Variants in MEGF10 observed in about 807,000 individuals in gnomAD.
The protein encoded by MEGF10 is multiple epidermal growth factor-like domains protein 10.
In MEGF10, 86 loss-of-function variants were observed where a neutral mutation model predicts 147.5. The observed-to-expected ratio is 0.58, with a 90% CI of 0.49 to 0.70. The LOEUF (loss-of-function observed/expected upper bound fraction) is 0.70. MEGF10 is among the 30% of genes least tolerant of loss of function. The pLI is 0.00. For missense variants in MEGF10, 1,329 were observed against 1,487.3 expected (o/e 0.89, Z 1.75); for synonymous variants, 478 against 525.5 (o/e 0.91, Z 1.24).
rs1764175605 is a variant in MEGF10, at chr5:127,402,586, G to A, written c.821G>A (p.Gly274Glu). 3 of 1,613,906 alleles carry A rather than the reference G, an allele frequency of 1.9e-6. No homozygotes were observed. In the African/African-American group the frequency reaches 4.0e-5, roughly 22 times the overall value. The change falls in exon 8 of 25, where the codon GGA becomes GAA. Residue 274 changes from glycine to glutamate, a missense_variant. Coordinates refer to ENST00000503335, the MANE Select transcript of MEGF10 (RefSeq NM_001256545.2). ...CAGCCTTGCCCCGAGGGTCGCTTTG[G>A]AAAGAACTGTTCCCAAGAATGCCAG... ...CGQPCPEGRF[G>E]KNCSQECQCH...
intron 1 of MEGF10, among the ~76,000 whole-genome samples, chr5:127,320,548 A>G (rs1039219175): frequency 2.0e-5 from 3 of 152,182 alleles, no homozygotes. Flanking sequence ...AGTCATAAAG[A>G]TGGGATTTGG....
the MEGF10 span, among the ~76,000 whole-genome samples, chr5:127,244,752 G>T: frequency 7.9e-5 from 12 of 151,944 alleles, no homozygotes; most frequent in Admixed American, 7.9e-4. Context: ...ACTAAACCAA[G>T]CTATTGTCAA....
At chr5:127,353,147 GT>G (rs1234480822) in intron 4 of MEGF10, among the ~76,000 whole-genome samples, 2 of 152,328 alleles carry the variant, frequency 1.3e-5, no homozygotes, top group East Asian at 3.9e-4. Context: ...TGGCAGTGAG[GT>G]AAGCTCTTGG....
At chr5:127,449,245 C>T in intron 22 of MEGF10, 23 bp downstream of exon 22, 1 of 1,612,082 alleles carries the variant, frequency 6.2e-7, no homozygotes. Context: ...AACGCACGTC[C>T]CCAGAAGCAC....
chr5:127,232,602 A>G, the MEGF10 span, among the ~76,000 whole-genome samples: 1 of 152,128 alleles, frequency 6.6e-6, no homozygotes, highest in African/African-American at 2.4e-5. Flanking sequence ...GGAGGAGCAG[A>G]TGTGAAATGA....
chr5:127,290,712 A>G (rs1233334576), upstream of MEGF10: 1 of 152,908 alleles, frequency 6.5e-6, no homozygotes, highest in Non-Finnish European at 1.5e-5. Context: ...CTGCCCCGGC[A>G]GCAGCAGCTG....
the MEGF10 span, among the ~76,000 whole-genome samples, chr5:127,259,663 C>T: frequency 6.6e-6 from 1 of 152,224 alleles, no homozygotes; most frequent in Middle Eastern, 3.4e-3. Flanking sequence ...CTAAATTGCT[C>T]AGCTTTTAGG....
intron 20 of MEGF10, among the ~76,000 whole-genome samples, chr5:127,446,529 G>A (rs960654088): frequency 2.0e-5 from 3 of 152,204 alleles, no homozygotes; most frequent in African/African-American, 7.2e-5. Context: ...AAAGCAAAGA[G>A]CAGTTATCTG....
At chr5:127,283,233 C>T in the MEGF10 span, among the ~76,000 whole-genome samples, 1 of 152,210 alleles carries the variant, frequency 6.6e-6, no homozygotes, top group African/African-American at 2.4e-5. Context: ...CTTCAGTCAA[C>T]TTTTGCAACT....
At chr5:127,317,620 A>G (rs151077897) in intron 1 of MEGF10, among the ~76,000 whole-genome samples, 2,750 of 152,248 alleles carry the variant, frequency 0.018, 74 homozygotes, top group East Asian at 0.11. Context: ...TGAAGCTGGA[A>G]ACCATCATTC....
chr5:127,306,960 T>C (rs1034053379), intron 1 of MEGF10, among the ~76,000 whole-genome samples: 1 of 152,190 alleles, frequency 6.6e-6, no homozygotes, highest in African/African-American at 2.4e-5. Flanking sequence ...TTTAATGTTT[T>C]CTAATCCTGG....
the MEGF10 span, among the ~76,000 whole-genome samples, chr5:127,239,816 T>A: frequency 6.6e-5 from 10 of 152,244 alleles, no homozygotes; most frequent in Non-Finnish European, 1.2e-4. Flanking sequence ...TTAGTCAGAT[T>A]TCCTGCTGCT....
chr5:127,395,777 C>A (rs1763887272), intron 5 of MEGF10, among the ~76,000 whole-genome samples: 1 of 152,034 alleles, frequency 6.6e-6, no homozygotes, highest in South Asian at 2.1e-4. Flanking sequence ...ATTTCCTGAC[C>A]TCGTGATCCT....
At chr5:127,264,146 TACTTTTTAATGA>T in the MEGF10 span, among the ~76,000 whole-genome samples, 1 of 152,182 alleles carries the variant, frequency 6.6e-6, no homozygotes, top group Non-Finnish European at 1.5e-5. Context: ...ATAAATAAGG[TACTTTTTAATGA>T]ACTACAGAAA....
chr5:127,296,827 T>A (rs1204703544), intron 1 of MEGF10, among the ~76,000 whole-genome samples: 1 of 152,190 alleles, frequency 6.6e-6, no homozygotes, highest in African/African-American at 2.4e-5. Context: ...AACAAAAAAA[T>A]TTAAATATCC....
Position 127,455,149 on chromosome 5 carries a change from T to G in MEGF10, c.3026-252T>G, listed in dbSNP as rs72790443. 0.14 allele frequency among the ~76,000 whole-genome samples: 20,632 copies of G among 152,204 alleles called. 1,475 individuals are homozygous for G. Among genetic ancestry groups the G allele is most frequent in the Non-Finnish European group, 0.17 (11,325 of 68,000 alleles). The stretch of plus-strand genomic sequence containing the variant: ...AAACAAAACGTAATTGATTATATTC[T>G]AATGTGATCATAAAAATGAAATCAG... On this transcript the variant is annotated intron_variant, in intron 23 of 24. Transcript: ENST00000503335.
chr5:127,322,590 C>T (rs1457505871), intron 1 of MEGF10, among the ~76,000 whole-genome samples: 2 of 152,216 alleles, frequency 1.3e-5, no homozygotes. Context: ...ACTACTCTCA[C>T]ATTAGATTGT....
At chr5:127,248,258 A>G in the MEGF10 span, among the ~76,000 whole-genome samples, 2 of 152,114 alleles carry the variant, frequency 1.3e-5, no homozygotes, top group African/African-American at 4.8e-5. Context: ...ACAAAATATT[A>G]TACTTTTAAA....
intron 1 of MEGF10, among the ~76,000 whole-genome samples, chr5:127,316,389 A>G (rs1232137377): frequency 1.3e-5 from 2 of 152,204 alleles, no homozygotes; most frequent in African/African-American, 2.4e-5. Flanking sequence ...ATGAATTTAC[A>G]GAATGATTAA....
Sources: allele counts gnomAD v4.1 joint callset (sites outside exome capture counted in the v4.1 genomes callset), GRCh38; gene constraint gnomAD v4.1.1; transcripts MANE v1.5; gene names NCBI Gene and HGNC (gene_info 2026-07-23, HGNC 2026-07-21).